The following YWHAZ variants were observed in gnomAD, a reference collection of about 807,000 sequenced individuals.
YWHAZ encodes 14-3-3 protein zeta/delta.
For missense variants in YWHAZ, 79 were observed against 284.8 expected (o/e 0.28, Z 5.20); for synonymous variants, 87 against 103.6 (o/e 0.84, Z 0.97).
chr8:100,951,222 C>T, intron 1 of YWHAZ: 1 of 985,054 alleles, frequency 1.0e-6, no homozygotes, highest in Non-Finnish European at 1.2e-6. Flanking sequence ...CGCGCAGCCT[C>T]GCCCCGGTCT....
intron 2 of YWHAZ, among the ~76,000 whole-genome samples, chr8:100,938,733 T>C (rs1486117114): frequency 2.0e-5 from 3 of 152,226 alleles, no homozygotes; most frequent in Non-Finnish European, 2.9e-5. Context: ...TAGGGGCCCA[T>C]AGATTTAATC....
intron 2 of YWHAZ, among the ~76,000 whole-genome samples, chr8:100,945,039 A>G (rs976432905): frequency 1.3e-5 from 2 of 152,218 alleles, no homozygotes; most frequent in Admixed American, 6.5e-5. Flanking sequence ...TTTCAGGTTT[A>G]AAGAGGTACT....
intron 2 of YWHAZ, among the ~76,000 whole-genome samples, chr8:100,947,645 A>C (rs1241800918): frequency 6.6e-6 from 1 of 152,212 alleles, no homozygotes; most frequent in Non-Finnish European, 1.5e-5. Context: ...ATCAGACATT[A>C]TCCTATTGCT....
chr8:100,953,362 G>A (rs1268254737), upstream of YWHAZ: 5 of 985,520 alleles, frequency 5.1e-6, no homozygotes, highest in African/African-American at 3.5e-5. Flanking sequence ...GTGATGAGCC[G>A]GGACGGGAGC....
At chr8:100,930,211 G>A (rs1480520465) in intron 2 of YWHAZ, among the ~76,000 whole-genome samples, 2 of 152,164 alleles carry the variant, frequency 1.3e-5, no homozygotes, top group East Asian at 1.9e-4. Context: ...TGATTCTTCT[G>A]CCTCAGTCTC....
chr8:100,938,974 T>C (rs983028824), intron 2 of YWHAZ, among the ~76,000 whole-genome samples: 3 of 152,218 alleles, frequency 2.0e-5, no homozygotes, highest in Non-Finnish European at 2.9e-5. Context: ...ATAAATAAGG[T>C]CATCTATAAG....
upstream of YWHAZ, chr8:100,953,282 A>G (rs1377956086): frequency 1.0e-6 from 1 of 985,360 alleles, no homozygotes; most frequent in African/African-American, 1.7e-5. Context: ...TTTATCTCCT[A>G]GAAGCAAGGT....
intron 2 of YWHAZ, among the ~76,000 whole-genome samples, chr8:100,944,897 C>T (rs1810150619): frequency 6.6e-6 from 1 of 152,160 alleles, no homozygotes; most frequent in Admixed American, 6.5e-5. Context: ...ACTAGTTTGA[C>T]TCAGTATCTT....
rs1030343619 is a variant in YWHAZ at position 100,917,923 on chromosome 8, C to T, written c.*2770G>A. On this transcript the variant is annotated 3_prime_UTR_variant, in exon 6 of 6. Transcript: ENST00000395958. ...ATTTTCCTTAATCTATTGGGAACTA[C>T]TATGTAGAAAACATTAGTTAATACT... The T allele has an allele frequency of 6.6e-6, 1 of 152,148 alleles. No homozygotes were observed. The highest frequency in any genetic ancestry group is 1.5e-5 in the Non-Finnish European group (1 of 68,030). 9.4% of individuals were successfully genotyped at this position (152,148 alleles called of 1,614,324 possible). A position where few individuals can be genotyped will look rare whatever the true frequency, so the allele number is the denominator to read the frequency against.
At chr8:100,937,390 G>A (rs1814227642) in intron 2 of YWHAZ, among the ~76,000 whole-genome samples, 1 of 151,990 alleles carries the variant, frequency 6.6e-6, no homozygotes, top group Non-Finnish European at 1.5e-5. Flanking sequence ...ATGTGGGGTG[G>A]AGAGAAAGTT....
chr8:100,918,418 ATATATATATATATATATATATATAT>A lies in YWHAZ; in HGVS notation c.*2250_*2274del, dbSNP rs1439570080. 2 of 71,358 alleles carry A rather than the reference ATATATATATATATATATATATATAT, an allele frequency of 2.8e-5. No individual in the cohort carries two copies. The highest frequency in any genetic ancestry group is 1.2e-4 in the African/African-American group (2 of 16,822). The allele number at this position is 71,358 out of a possible 1,614,324, so 4.4% of individuals were successfully genotyped here. ...TAAAATATAATTACTTTATATATAT[ATATATATATATATATATATATATAT>A]AATTATTTTACCTCCTTGGCTTGGG... On this transcript the variant is annotated 3_prime_UTR_variant, in exon 6 of 6. Coordinates refer to ENST00000395958, the MANE Select transcript of YWHAZ (RefSeq NM_145690.3).
chr8:100,950,461 G>C (rs932785057), intron 1 of YWHAZ: 34 of 985,464 alleles, frequency 3.5e-5, no homozygotes, highest in Non-Finnish European at 4.1e-5. Flanking sequence ...GGACTTTAAA[G>C]TGCAAATTCT....
chr8:100,935,066 T>C (rs1040168965), intron 2 of YWHAZ: 2 of 151,804 alleles, frequency 1.3e-5, no homozygotes, highest in African/African-American at 4.8e-5. Context: ...GCCAGGAGAA[T>C]TGCTTGAATG....
At chr8:100,949,785 C>T (rs1428260033) in intron 1 of YWHAZ, among the ~76,000 whole-genome samples, 1 of 152,220 alleles carries the variant, frequency 6.6e-6, no homozygotes, top group Non-Finnish European at 1.5e-5. Context: ...CTGTCCTTTA[C>T]CATGACTACC....
chr8:100,937,403 C>T (rs1317713283), intron 2 of YWHAZ, among the ~76,000 whole-genome samples: 2 of 151,952 alleles, frequency 1.3e-5, no homozygotes, highest in Non-Finnish European at 2.9e-5. Context: ...AGAAAGTTCT[C>T]ATCTTGTCTT....
At position 100,918,408 on chromosome 8, in the gene YWHAZ, T is replaced by TTTTATATATATATATA. The variant is rs1554611375; in HGVS notation, c.*2284_*2285insTATATATATATATAAA. Reference sequence around the variant, plus strand: ...AGTCTAGCTATAAAATATAATTACTTTATATATATATATATATATATATAT... The same window carrying TTTTATATATATATATA: ...AGTCTAGCTATAAAATATAATTACTTTTTATATATATATATATATATATATATATATATATATATAT... On this transcript the variant is annotated 3_prime_UTR_variant, in exon 6 of 6. Coordinates refer to ENST00000395958, the MANE Select transcript of YWHAZ (RefSeq NM_145690.3). 2 of 41,882 alleles carry TTTTATATATATATATA rather than the reference T, an allele frequency of 4.8e-5. No individual in the cohort carries two copies. Among genetic ancestry groups the TTTTATATATATATATA allele is most frequent in the Non-Finnish European group, 9.6e-5 (2 of 20,796 alleles). The allele number at this position is 41,882 out of a possible 1,614,324, so 2.6% of individuals were successfully genotyped here.
At position 100,925,889 on chromosome 8, in the gene YWHAZ, G is replaced by A. The variant is rs1272664327; in HGVS notation, c.295-850C>T. ...TGTAATTTTTTTCTTTCCAGTTAAG[G>A]GGGAGAAAAATAATTCTAGTAGTAG... On this transcript the variant is annotated intron_variant, in intron 2 of 5. Coordinates refer to ENST00000395958, the MANE Select transcript of YWHAZ (RefSeq NM_145690.3). Among the ~76,000 whole-genome samples, 3 of 152,072 alleles carry A rather than the reference G, an allele frequency of 2.0e-5. No homozygotes were observed. In the East Asian group the frequency reaches 5.8e-4, roughly 29 times the overall value.
At chr8:100,947,971 T>C in intron 2 of YWHAZ, 6 of 740,234 alleles carry the variant, frequency 8.1e-6, no homozygotes, top group Non-Finnish European at 1.2e-5. Context: ...AGCGCAGTGC[T>C]TCAACACAGT....
intron 1 of YWHAZ, among the ~76,000 whole-genome samples, chr8:100,950,054 G>A (rs1003999461): frequency 6.6e-6 from 1 of 152,132 alleles, no homozygotes; most frequent in African/African-American, 2.4e-5. Context: ...CCTTCCCAGG[G>A]AAATCCCACA....
Sources: gnomAD v4.1 joint callset for allele counts (sites outside exome capture counted in the v4.1 genomes callset) on GRCh38, gnomAD v4.1.1 for gene constraint, MANE v1.5 for transcripts, NCBI Gene and HGNC (gene_info 2026-07-23, HGNC 2026-07-21) for gene names.